TLN2: variants seen among roughly 807,000 people sequenced by gnomAD.
The protein encoded by TLN2 is talin 2.
TLN2 carries 118 observed loss-of-function variants against 294.7 expected under a neutral mutation model. That is an observed-to-expected ratio of 0.40 (90% confidence interval 0.34 to 0.47). The LOEUF (loss-of-function observed/expected upper bound fraction) is 0.47, where lower values mean the gene tolerates loss of function less well. TLN2 is among the 20% of genes least tolerant of loss of function. The pLI is 0.84. For synonymous variants in TLN2, 1,431 were observed against 1,304.5 expected (o/e 1.10, Z -2.09); for missense variants, 3,083 against 3,282.2 (o/e 0.94, Z 1.48).
At chr15:62,736,538 C>G (rs73437625) in intron 28 of TLN2, among the ~76,000 whole-genome samples, 10 of 152,244 alleles carry the variant, frequency 6.6e-5, no homozygotes, top group African/African-American at 2.4e-4. Context: ...TTTAAATGGC[C>G]TCCCGCAAAC....
intron 42 of TLN2, among the ~76,000 whole-genome samples, chr15:62,774,625 C>G (rs545634924): frequency 3.9e-5 from 6 of 152,306 alleles, no homozygotes; most frequent in African/African-American, 1.4e-4. Context: ...AGCTGACCCT[C>G]TAAGAATCTG....
At chr15:62,729,777 A>C (rs747221920) in intron 28 of TLN2, among the ~76,000 whole-genome samples, 1 of 152,058 alleles carries the variant, frequency 6.6e-6, no homozygotes, top group Non-Finnish European at 1.5e-5. Context: ...CGAGTCTATC[A>C]TCTTACTATT....
At chr15:62,530,745 T>C (rs1042423638) in intron 1 of TLN2, among the ~76,000 whole-genome samples, 2 of 152,276 alleles carry the variant, frequency 1.3e-5, no homozygotes, top group African/African-American at 4.8e-5. Flanking sequence ...CCAGGACTTC[T>C]GTTACCTACA....
intron 34 of TLN2, among the ~76,000 whole-genome samples, chr15:62,751,333 T>C (rs1003228978): frequency 2.6e-5 from 4 of 152,226 alleles, no homozygotes; most frequent in African/African-American, 9.7e-5. Context: ...GCTGGTAATG[T>C]CAAAAGGACT....
At chr15:62,839,088 G>A (rs901828986) in intron 58 of TLN2, 107 bp downstream of exon 58, 2 of 1,423,684 alleles carry the variant, frequency 1.4e-6, no homozygotes, top group Admixed American at 2.0e-5. Context: ...TCTTCCTCGT[G>A]TACCAGAGAT....
chr15:62,717,706 C>G lies in TLN2; in HGVS notation c.2877+17C>G. On this transcript the variant is annotated intron_variant, in intron 24 of 58. Transcript: ENST00000636159. ...AGTTGCAAGGTGAGGTTCCAGTGCACAGAGAGCCAGGTCAGCTGCAGATGA... is the reference window on the plus strand; with the variant it reads ...AGTTGCAAGGTGAGGTTCCAGTGCAGAGAGAGCCAGGTCAGCTGCAGATGA... The G allele has an allele frequency of 6.5e-7, 1 of 1,532,934 alleles. No individual in the cohort carries two copies. The highest frequency in any genetic ancestry group is 8.8e-7 in the Non-Finnish European group (1 of 1,141,376). The allele number at this position is 1,532,934 out of a possible 1,614,324, so 95.0% of individuals were successfully genotyped here.
At chr15:62,837,046 G>A (rs540128638) in intron 57 of TLN2, among the ~76,000 whole-genome samples, 46 of 152,160 alleles carry the variant, frequency 3.0e-4, no homozygotes, top group African/African-American at 9.9e-4. Context: ...TCCAATTTTC[G>A]AGATTTTTTT....
At chr15:62,672,097 T>G (rs1040220428) in intron 9 of TLN2, among the ~76,000 whole-genome samples, 3 of 152,342 alleles carry the variant, frequency 2.0e-5, no homozygotes, top group East Asian at 3.9e-4. Flanking sequence ...AAGTTGTTAT[T>G]TTTTTGTCTT....
chr15:62,704,761 C>T (rs1202959726), intron 19 of TLN2, among the ~76,000 whole-genome samples: 1 of 152,196 alleles, frequency 6.6e-6, no homozygotes, highest in East Asian at 1.9e-4. Context: ...CTGCTAAACC[C>T]AAGTTAATTG....
Position 62,792,857 on chromosome 15 carries a change from G to A in TLN2, c.5883+70G>A, listed in dbSNP as rs116930388. On this transcript the variant is annotated intron_variant, in intron 46 of 58. Coordinates refer to ENST00000636159, the MANE Select transcript of TLN2 (RefSeq NM_015059.3). ...CTCTCAGTGATCCGCTGTAATCAAGGACAAAAGCAGGAAACTCAGCCAAAA... is the reference window on the plus strand; with the variant it reads ...CTCTCAGTGATCCGCTGTAATCAAGAACAAAAGCAGGAAACTCAGCCAAAA... 3.9e-3 allele frequency: 6,124 copies of A among 1,577,590 alleles called. 22 individuals carry two copies. The highest frequency in any genetic ancestry group is 4.7e-3 in the Non-Finnish European group (5,525 of 1,166,214).
chr15:62,553,257 A>T (rs1311747656), intron 1 of TLN2, among the ~76,000 whole-genome samples: 1 of 152,160 alleles, frequency 6.6e-6, no homozygotes, highest in Non-Finnish European at 1.5e-5. Context: ...GCACTTTGGG[A>T]GGCCGAGGCA....
chr15:62,463,059 T>TC (rs1260307910), intron 1 of TLN2, among the ~76,000 whole-genome samples: 4 of 152,104 alleles, frequency 2.6e-5, no homozygotes, highest in Non-Finnish European at 1.5e-5. Flanking sequence ...CTCTTGCCTT[T>TC]CCCCCAACCC....
At chr15:62,399,256 CAAAAAAAAAAAAAAAA>C (rs546678440) in intron 1 of TLN2, among the ~76,000 whole-genome samples, 1 of 58,430 alleles carries the variant, frequency 1.7e-5, no homozygotes, top group Non-Finnish European at 2.8e-5. Context: ...CCGTCTCAAA[CAAAAAAAAAAAAAAAA>C]AAAAAAAAAA....
chr15:62,693,910 A>G (rs894974215), intron 13 of TLN2, among the ~76,000 whole-genome samples: 4 of 150,354 alleles, frequency 2.7e-5, no homozygotes, highest in African/African-American at 9.8e-5. Context: ...TCCCTTCAAA[A>G]TGTTTTTTTA....
intron 1 of TLN2, among the ~76,000 whole-genome samples, chr15:62,432,887 A>G (rs2035085087): frequency 6.6e-6 from 1 of 152,120 alleles, no homozygotes; most frequent in Non-Finnish European, 1.5e-5. Flanking sequence ...GGGAGAGAGA[A>G]GTGTCTGTGC....
At chr15:62,606,183 G>C (rs1032557575) in intron 2 of TLN2, among the ~76,000 whole-genome samples, 3 of 151,832 alleles carry the variant, frequency 2.0e-5, no homozygotes, top group African/African-American at 7.3e-5. Context: ...CCAGGTTCAA[G>C]CAATTTTCCT....
rs554821101 is a variant in TLN2 at position 62,723,564 on chromosome 15, A to G, written c.3126+1077A>G. On this transcript the variant is annotated intron_variant, in intron 26 of 58. Coordinates refer to ENST00000636159, the MANE Select transcript of TLN2 (RefSeq NM_015059.3). ...TTTTTTTTTTTTTTTTTTTTTGTGA[A>G]ACAGGGTCTTGCCCTGTTGCACAGA... is the stretch of plus-strand genomic sequence containing the variant. Among the ~76,000 whole-genome samples, 10 of 118,694 alleles carry G rather than the reference A, an allele frequency of 8.4e-5. No individual in the cohort carries two copies. The South Asian group carries it at 3.1e-3, about 37-fold the overall frequency. The allele number at this position is 118,694 out of a possible 152,430, so 77.9% of individuals were successfully genotyped here. A position where few individuals can be genotyped will look rare whatever the true frequency, so the allele number is the denominator to read the frequency against.
At chr15:62,393,162 C>T (rs1399325132) in intron 1 of TLN2, among the ~76,000 whole-genome samples, 2 of 152,138 alleles carry the variant, frequency 1.3e-5, no homozygotes, top group African/African-American at 2.4e-5. Context: ...AGAAACAGGT[C>T]TCTTCATATT....
chr15:62,681,721 C>T (rs537607740), intron 11 of TLN2, among the ~76,000 whole-genome samples: 139 of 152,106 alleles, frequency 9.1e-4, no homozygotes, highest in Non-Finnish European at 1.6e-3. Context: ...GCTCTAATGA[C>T]GAGTAAGCGA....
Sources: gnomAD v4.1 joint callset for allele counts (sites outside exome capture counted in the v4.1 genomes callset) on GRCh38, gnomAD v4.1.1 for gene constraint, MANE v1.5 for transcripts, NCBI Gene and HGNC (gene_info 2026-07-23, HGNC 2026-07-21) for gene names.